Variants in AGBL1 observed in about 807,000 individuals in gnomAD.
AGBL1 encodes AGBL carboxypeptidase 1, also known as cytosolic carboxypeptidase 4.
AGBL1 carries 130 observed loss-of-function variants against 118.9 expected under a neutral mutation model. The ratio of observed to expected loss-of-function variants is 1.09; its 90% CI spans 0.95 to 1.26. The LOEUF (loss-of-function observed/expected upper bound fraction) is 1.26. Among genes scored for constraint, AGBL1 ranks in the 50% most tolerant of loss-of-function variants. AGBL1 has a pLI of 0.00. For synonymous variants in AGBL1, 555 were observed against 478.9 expected (o/e 1.16, Z -2.08); for missense variants, 1,584 against 1,298.1 (o/e 1.22, Z -3.38).
At chr15:86,672,940 C>G (rs1338174222) in intron 21 of AGBL1, among the ~76,000 whole-genome samples, 1 of 152,048 alleles carries the variant, frequency 6.6e-6, no homozygotes, top group African/African-American at 2.4e-5. Context: ...GCCAGGAATT[C>G]TTTTGTGAGG....
At chr15:86,348,407 G>A (rs545988710) in intron 17 of AGBL1, among the ~76,000 whole-genome samples, 2 of 152,288 alleles carry the variant, frequency 1.3e-5, no homozygotes, top group South Asian at 2.1e-4. Flanking sequence ...GCACTGCTTC[G>A]CAATTACTGG....
chr15:86,849,328 G>T (rs2079367108), intron 22 of AGBL1, among the ~76,000 whole-genome samples: 3 of 152,140 alleles, frequency 2.0e-5, no homozygotes, highest in South Asian at 4.1e-4. Flanking sequence ...AAGCGGCCAG[G>T]CTGCTATGCA....
chr15:86,986,016 C>G (rs543782223), intron 23 of AGBL1, among the ~76,000 whole-genome samples: 2 of 151,970 alleles, frequency 1.3e-5, no homozygotes, highest in Non-Finnish European at 2.9e-5. Context: ...TTCTGTCCCC[C>G]GGTTTCAAGC....
At chr15:86,141,310 C>G (rs935625259) in intron 1 of AGBL1, among the ~76,000 whole-genome samples, 1 of 152,228 alleles carries the variant, frequency 6.6e-6, no homozygotes, top group African/African-American at 2.4e-5. Flanking sequence ...TCAGGGAAGT[C>G]TTTTCGTCAG....
intron 5 of AGBL1, among the ~76,000 whole-genome samples, chr15:86,191,647 A>T (rs2077723673): frequency 6.6e-6 from 1 of 152,120 alleles, no homozygotes; most frequent in Non-Finnish European, 1.5e-5. Context: ...AAACTCTACC[A>T]GAGTGGCCTT....
rs182410726 is a variant in AGBL1 at position 86,149,114 on chromosome 15, G to A, written c.262+5269G>A. On this transcript the variant is annotated intron_variant, in intron 3 of 22. Coordinates refer to ENST00000614907, the MANE Select transcript of AGBL1 (RefSeq NM_001386094.1). The stretch of plus-strand genomic sequence containing the variant: ...TCTCTACCAGGCCTGCCTTACAAGA[G>A]CTCCTGAAGGAAGCACTAAACATGG... Among the ~76,000 whole-genome samples, 20 of 152,240 alleles carry A rather than the reference G, an allele frequency of 1.3e-4. No homozygotes were observed. The East Asian group carries it at 3.7e-3, about 28-fold the overall frequency.
chr15:86,819,254 G>C (rs1358751604), intron 22 of AGBL1, among the ~76,000 whole-genome samples: 1 of 152,078 alleles, frequency 6.6e-6, no homozygotes, highest in Non-Finnish European at 1.5e-5. Context: ...TAGGTTGGTA[G>C]TAGTACTAAT....
At chr15:86,365,159 C>T (rs1044504501) in intron 17 of AGBL1, among the ~76,000 whole-genome samples, 2 of 151,622 alleles carry the variant, frequency 1.3e-5, no homozygotes, top group Admixed American at 1.3e-4. Flanking sequence ...AAAAGACAAG[C>T]AGTAGTAACT....
intron 22 of AGBL1, among the ~76,000 whole-genome samples, chr15:86,893,408 GT>G: frequency 6.6e-6 from 1 of 152,158 alleles, no homozygotes; most frequent in Non-Finnish European, 1.5e-5. Flanking sequence ...CACAGGCTGG[GT>G]TTTGTTCACC....
At chr15:86,813,955 G>A (rs144781599) in intron 22 of AGBL1, among the ~76,000 whole-genome samples, 1,862 of 152,262 alleles carry the variant, frequency 0.012, 26 homozygotes, top group Middle Eastern at 0.061. Context: ...TAGATACCAG[G>A]TTTAGGACTG....
intron 18 of AGBL1, among the ~76,000 whole-genome samples, chr15:86,470,265 G>C (rs974866455): frequency 6.6e-6 from 1 of 152,114 alleles, no homozygotes; most frequent in Non-Finnish European, 1.5e-5. Context: ...TGAGATACAG[G>C]TCCAATTTTA....
intron 23 of AGBL1, chr15:86,935,083 G>A (rs2080652087): frequency 6.6e-6 from 1 of 152,104 alleles, no homozygotes; most frequent in African/African-American, 2.4e-5. Context: ...AATCCTCCAG[G>A]CTGAACCAGA....
rs141275852 is a variant in AGBL1 at position 86,522,760 on chromosome 15, G to A, written c.2556-50G>A. The A allele has an allele frequency of 1.0e-4, 162 of 1,587,658 alleles. 1 individual carries two copies. The African/African-American group carries it at 1.9e-3, about 19-fold the overall frequency. On this transcript the variant is annotated intron_variant, in intron 18 of 22. Coordinates refer to ENST00000614907, the MANE Select transcript of AGBL1 (RefSeq NM_001386094.1). ...ATCTTGTGGAGCTTTATTTTCTCAA[G>A]TTATTTTCTTCTGAATGTGTATTTA...
chr15:86,780,141 T>C (rs1454342479), intron 22 of AGBL1, among the ~76,000 whole-genome samples: 1 of 152,210 alleles, frequency 6.6e-6, no homozygotes. Context: ...GATCCACTTT[T>C]AGTTATTTCT....
chr15:86,861,458 C>T (rs930581512), intron 22 of AGBL1, among the ~76,000 whole-genome samples: 1 of 152,114 alleles, frequency 6.6e-6, no homozygotes, highest in African/African-American at 2.4e-5. Flanking sequence ...TTAATATGTT[C>T]AATGAAGTTC....
intron 22 of AGBL1, among the ~76,000 whole-genome samples, chr15:86,851,134 C>G (rs1273830906): frequency 6.6e-6 from 1 of 152,158 alleles, no homozygotes; most frequent in Non-Finnish European, 1.5e-5. Context: ...GCTCTTATCC[C>G]TTCTAAGTGC....
At chr15:86,209,079 T>C (rs930182962) in intron 5 of AGBL1, among the ~76,000 whole-genome samples, 23 of 152,210 alleles carry the variant, frequency 1.5e-4, no homozygotes, top group Non-Finnish European at 2.4e-4. Flanking sequence ...ATGTACCCAG[T>C]AGTCATTCAG....
In AGBL1 at chr15:86,878,319, A is replaced by T. The variant is rs1596582473; in HGVS notation, c.3159-28768A>T. 2.0e-5 allele frequency among the ~76,000 whole-genome samples: 3 copies of T among 152,338 alleles called. No individual in the cohort carries two copies. The East Asian group carries it at 5.8e-4, about 29-fold the overall frequency. On this transcript the variant is annotated intron_variant, in intron 22 of 22. Coordinates refer to ENST00000614907, the MANE Select transcript of AGBL1 (RefSeq NM_001386094.1). ...ATTCAACTCTGCCCTTGTAGCACAA[A>T]GGCAGCCACAGACAATACAATGGGC... is the stretch of plus-strand genomic sequence containing the variant.
intron 21 of AGBL1, among the ~76,000 whole-genome samples, chr15:86,657,490 T>C (rs920887643): frequency 2.6e-5 from 4 of 152,182 alleles, no homozygotes; most frequent in East Asian, 3.9e-4. Flanking sequence ...TGTGTGTTTG[T>C]ATGTACACAT....
Sources: allele counts gnomAD v4.1 joint callset (sites outside exome capture counted in the v4.1 genomes callset), GRCh38; gene constraint gnomAD v4.1.1; transcripts MANE v1.5; gene names NCBI Gene and HGNC (gene_info 2026-07-23, HGNC 2026-07-21).